Variants in NIPAL2 observed in about 807,000 individuals in gnomAD.
NIPAL2 encodes the protein NIPA like domain containing 2, also known as NIPA-like protein 2.
A neutral mutation model predicts 48.9 loss-of-function variants in NIPAL2; 43 were observed. The observed-to-expected ratio is 0.88, with a 90% CI of 0.69 to 1.13. NIPAL2 has a LOEUF of 1.13. NIPAL2 is among the 50% of genes most tolerant of loss of function. NIPAL2 has a pLI of 0.00. For synonymous variants in NIPAL2, 167 were observed against 174.6 expected, an observed-to-expected ratio of 0.96 and a Z score of 0.34; for missense variants, 446 against 461.4, an observed-to-expected ratio of 0.97 and a Z score of 0.31.
intron 4 of NIPAL2, among the ~76,000 whole-genome samples, chr8:98,224,755 C>CT (rs371936351): frequency 0.017 from 2,109 of 123,724 alleles, 54 homozygotes; most frequent in African/African-American, 0.033. Flanking sequence ...TCTTTCTTTT[C>CT]TTTTTTTTTT....
chr8:98,228,686 G>A (rs2130772805), intron 4 of NIPAL2, among the ~76,000 whole-genome samples: 1 of 152,210 alleles, frequency 6.6e-6, no homozygotes, highest in African/African-American at 2.4e-5. Flanking sequence ...CAGGATGCAG[G>A]CATGCCATGA....
At chr8:98,202,565 C>T (rs185566310) in intron 8 of NIPAL2, among the ~76,000 whole-genome samples, 12 of 152,252 alleles carry the variant, frequency 7.9e-5, no homozygotes, top group African/African-American at 2.9e-4. Context: ...TACCCCTCTC[C>T]CTCGCCCCAT....
rs528832634 is a variant in NIPAL2, at chr8:98,272,677, C to A, written c.136-18590G>T. On this transcript the variant is annotated intron_variant, in intron 1 of 10. Coordinates refer to ENST00000430223, the MANE Select transcript of NIPAL2 (RefSeq NM_001321635.2). ...TCGCCCAGGTTGGAGTGCAGTGGCACAATCTTGGCTCACTGCAATCTCCAC... is the reference window on the plus strand; with the variant it reads ...TCGCCCAGGTTGGAGTGCAGTGGCAAAATCTTGGCTCACTGCAATCTCCAC... 6.6e-5 allele frequency among the ~76,000 whole-genome samples: 10 copies of A among 150,408 alleles called. No homozygotes were observed. The East Asian group carries it at 2.0e-3, about 30-fold the overall frequency.
chr8:98,264,185 C>T (rs1448373721), intron 1 of NIPAL2, among the ~76,000 whole-genome samples: 1 of 147,288 alleles, frequency 6.8e-6, no homozygotes, highest in Admixed American at 6.8e-5. Context: ...ACTGAATGGG[C>T]AAAAACTGGA....
At chr8:98,238,428 T>C (rs1043253795) in intron 3 of NIPAL2, among the ~76,000 whole-genome samples, 3 of 152,200 alleles carry the variant, frequency 2.0e-5, no homozygotes, top group African/African-American at 7.2e-5. Context: ...CATTACAATT[T>C]GCCATGTCAT....
intron 1 of NIPAL2, 109 bp downstream of exon 1, chr8:98,293,894 G>T: frequency 9.7e-7 from 1 of 1,034,868 alleles, no homozygotes; most frequent in Non-Finnish European, 1.3e-6. Context: ...GAGAGGCCGG[G>T]TGTCTTCCTG....
chr8:98,202,082 G>A (rs867549873), intron 8 of NIPAL2, among the ~76,000 whole-genome samples: 1 of 152,164 alleles, frequency 6.6e-6, no homozygotes, highest in Non-Finnish European at 1.5e-5. Flanking sequence ...GGTTTGGACC[G>A]AGTTTCAAAT....
intron 3 of NIPAL2, among the ~76,000 whole-genome samples, chr8:98,248,561 G>T (rs1236137852): frequency 6.6e-6 from 1 of 152,154 alleles, no homozygotes; most frequent in Admixed American, 6.5e-5. Context: ...TTAATAATTT[G>T]CCTAAGGTCA....
Position 98,212,305 on chromosome 8 carries a change from C to A in NIPAL2, c.655+100G>T. ...ATAGATCAGAGCTGAAAAATATAAA[C>A]CATGAGAAAGGAGTAGAATGCTTAA... On this transcript the variant is annotated intron_variant, in intron 6 of 10. Transcript: ENST00000430223. The A allele has an allele frequency of 5.0e-6, 3 of 605,766 alleles. No homozygotes were observed. The Admixed American group carries it at 8.2e-5, about 17-fold the overall frequency. 37.5% of individuals were successfully genotyped at this position (605,766 alleles called of 1,614,324 possible).
At chr8:98,265,380 C>A (rs1336958986) in intron 1 of NIPAL2, among the ~76,000 whole-genome samples, 1 of 137,584 alleles carries the variant, frequency 7.3e-6, no homozygotes, top group East Asian at 2.1e-4. Context: ...GCAACCTACT[C>A]ATCTGACAAA....
intron 3 of NIPAL2, among the ~76,000 whole-genome samples, chr8:98,245,780 G>A (rs1236328360): frequency 6.6e-6 from 1 of 152,194 alleles, no homozygotes; most frequent in Non-Finnish European, 1.5e-5. Context: ...AAAGTGTTTA[G>A]GCTTCAGGAA....
intron 3 of NIPAL2, among the ~76,000 whole-genome samples, chr8:98,243,104 A>C (rs773564011): frequency 6.6e-6 from 1 of 152,142 alleles, no homozygotes; most frequent in Non-Finnish European, 1.5e-5. Context: ...CTTTGGTGCA[A>C]AATGGTACCT....
chr8:98,239,410 C>G (rs1041641914), intron 3 of NIPAL2, among the ~76,000 whole-genome samples: 1 of 152,074 alleles, frequency 6.6e-6, no homozygotes, highest in East Asian at 1.9e-4. Flanking sequence ...TGTTGCCAAG[C>G]CACAGTTTCA....
chr8:98,206,743 C>T (rs907710494), intron 6 of NIPAL2, among the ~76,000 whole-genome samples: 3 of 147,144 alleles, frequency 2.0e-5, no homozygotes, highest in Non-Finnish European at 4.5e-5. Context: ...GGCCACTGCA[C>T]TCCAGCCTGG....
chr8:98,244,690 A>G (rs1156912577), intron 3 of NIPAL2, among the ~76,000 whole-genome samples: 1 of 152,054 alleles, frequency 6.6e-6, no homozygotes, highest in African/African-American at 2.4e-5. Context: ...GATCAGTGAA[A>G]GGTGGCACTC....
At chr8:98,267,419 G>A (rs1814840759) in intron 1 of NIPAL2, among the ~76,000 whole-genome samples, 1 of 151,686 alleles carries the variant, frequency 6.6e-6, no homozygotes, top group Non-Finnish European at 1.5e-5. Flanking sequence ...GACCTTCTGG[G>A]TTCAAGCAAT....
chr8:98,205,019 C>T, intron 7 of NIPAL2, 92 bp downstream of exon 7: 3 of 1,360,952 alleles, frequency 2.2e-6, no homozygotes, highest in East Asian at 2.3e-5. Flanking sequence ...AGTTGTATCT[C>T]ATTTTAATTA....
intron 1 of NIPAL2, among the ~76,000 whole-genome samples, chr8:98,292,884 G>T (rs1239167099): frequency 4.6e-5 from 7 of 152,026 alleles, no homozygotes; most frequent in African/African-American, 1.7e-4. Flanking sequence ...AAGGAGAAAT[G>T]GGGTTGGATT....
intron 1 of NIPAL2, among the ~76,000 whole-genome samples, chr8:98,278,169 G>A (rs1038543394): frequency 8.5e-5 from 13 of 152,070 alleles, no homozygotes; most frequent in Non-Finnish European, 1.8e-4. Context: ...TTGCTCCTTT[G>A]TAGGCAATCT....
Sources: gnomAD v4.1 joint callset for allele counts (sites outside exome capture counted in the v4.1 genomes callset) on GRCh38, gnomAD v4.1.1 for gene constraint, MANE v1.5 for transcripts, NCBI Gene and HGNC (gene_info 2026-07-23, HGNC 2026-07-21) for gene names.